PIWIL2: variants seen among roughly 807,000 people sequenced by gnomAD.
PIWIL2 encodes piwi like RNA-mediated gene silencing 2, also known as piwi-like protein 2.
Under a neutral mutation model 116.5 loss-of-function variants are expected in PIWIL2, and 81 were observed. That is an observed-to-expected ratio of 0.70 (90% confidence interval 0.58 to 0.84). The LOEUF (loss-of-function observed/expected upper bound fraction) is 0.84, where lower values mean the gene tolerates loss of function less well. Ranked by LOEUF, PIWIL2 falls within the 40% of genes least tolerant of loss-of-function variation. PIWIL2 has a pLI of 0.00. For missense variants in PIWIL2, 1,272 were observed against 1,212.3 expected (o/e 1.05, Z -0.73); for synonymous variants, 489 against 429.5 (o/e 1.14, Z -1.71).
chr8:22,343,546 T>C (rs1178095146), intron 20 of PIWIL2, among the ~76,000 whole-genome samples: 7 of 152,170 alleles, frequency 4.6e-5, no homozygotes, highest in African/African-American at 1.7e-4. Context: ...TGCAGTGAGC[T>C]GAGATTGTAC....
At chr8:22,324,227 G>A (rs906899024) in intron 20 of PIWIL2, among the ~76,000 whole-genome samples, 35 of 152,090 alleles carry the variant, frequency 2.3e-4, no homozygotes, top group South Asian at 4.1e-4. Flanking sequence ...ACGCCACTGC[G>A]CTCCAGTCTG....
chr8:22,302,341 C>A (rs922414149), intron 10 of PIWIL2, among the ~76,000 whole-genome samples: 5 of 152,008 alleles, frequency 3.3e-5, no homozygotes, highest in Non-Finnish European at 7.4e-5. Context: ...ACCCCCACGC[C>A]CAGTTAATTT....
chr8:22,330,158 A>G (rs1027028057), intron 20 of PIWIL2, among the ~76,000 whole-genome samples: 1 of 151,850 alleles, frequency 6.6e-6, no homozygotes, highest in African/African-American at 2.4e-5. Context: ...CTTATACTGG[A>G]TATAATCTCA....
At chr8:22,288,752 C>A in intron 8 of PIWIL2, 86 bp downstream of exon 8, 2 of 1,203,586 alleles carry the variant, frequency 1.7e-6, no homozygotes, top group Non-Finnish European at 2.4e-6. Flanking sequence ...GATGGAAATA[C>A]GTGACAGTAT....
At chr8:22,316,999 CAAACTCCTGGGCTT>C (rs1380898704) in intron 19 of PIWIL2, among the ~76,000 whole-genome samples, 3 of 152,004 alleles carry the variant, frequency 2.0e-5, no homozygotes, top group Non-Finnish European at 2.9e-5. Context: ...AGGCTGGTCT[CAAACTCCTGGGCTT>C]AAGTGATCCA....
chr8:22,344,463 A>G (rs762543113), intron 20 of PIWIL2, among the ~76,000 whole-genome samples: 10 of 152,216 alleles, frequency 6.6e-5, no homozygotes, highest in African/African-American at 2.2e-4. Flanking sequence ...ACTCTGTTCT[A>G]TTGCCTCAGG....
chr8:22,314,297 G>A, intron 16 of PIWIL2, 31 bp from the exon 17 acceptor site: 1 of 1,236,740 alleles, frequency 8.1e-7, no homozygotes, highest in Non-Finnish European at 1.1e-6. Flanking sequence ...GAATTCCACA[G>A]CCTGACTTGT....
intron 12 of PIWIL2, among the ~76,000 whole-genome samples, chr8:22,305,086 C>T (rs1195060439): frequency 2.6e-5 from 4 of 152,144 alleles, no homozygotes; most frequent in African/African-American, 9.7e-5. Context: ...TAAATATCCA[C>T]ATAAGCTATT....
At chr8:22,276,116 G>A (rs1265341209) in intron 1 of PIWIL2, 1 of 152,276 alleles carries the variant, frequency 6.6e-6, no homozygotes, top group Non-Finnish European at 1.5e-5. Context: ...ACCGAAAAGG[G>A]GTGTTAGCAG....
At chr8:22,284,317 T>TAA in intron 6 of PIWIL2, 45 bp downstream of exon 6, 1 of 971,274 alleles carries the variant, frequency 1.0e-6, no homozygotes, top group Non-Finnish European at 1.6e-6. Flanking sequence ...TAAAGGGCAG[T>TAA]AAAAAAAATA....
chr8:22,293,911 T>G (rs934094784), intron 10 of PIWIL2, among the ~76,000 whole-genome samples: 1 of 152,224 alleles, frequency 6.6e-6, no homozygotes, highest in African/African-American at 2.4e-5. Flanking sequence ...ACATACTCTT[T>G]CATTTGATCC....
chr8:22,281,519 G>C lies in PIWIL2; in HGVS notation c.425+4G>C. On this transcript the variant is annotated splice_donor_region_variant and intron_variant, in intron 4 of 22. Coordinates refer to ENST00000356766, the MANE Select transcript of PIWIL2 (RefSeq NM_018068.5). The stretch of plus-strand genomic sequence containing the variant: ...AGACCTCCGTTGGTTGGAGTAGGTG[G>C]GTAAAGTTACCCTCTCAGGTAACTA... The C allele has an allele frequency of 6.4e-7, 1 of 1,559,508 alleles. No homozygotes were observed. Among genetic ancestry groups the C allele is most frequent in the South Asian group, 1.2e-5 (1 of 81,424 alleles).
chr8:22,283,016 T>C lies in PIWIL2; in HGVS notation c.426-18T>C, dbSNP rs762318622. On this transcript the variant is annotated intron_variant, in intron 4 of 22. Transcript: ENST00000356766. ...CTATTATAAAAAACCCTGATTTGCC[T>C]CTCTCTCCACATTTCAGGACGCTTG... is the stretch of plus-strand genomic sequence containing the variant. 1.9e-6 allele frequency: 3 copies of C among 1,602,092 alleles called. No individual in the cohort carries two copies. The Admixed American group carries it at 5.0e-5, about 27-fold the overall frequency.
intron 20 of PIWIL2, among the ~76,000 whole-genome samples, chr8:22,342,216 C>T (rs968562973): frequency 1.3e-5 from 2 of 152,114 alleles, no homozygotes; most frequent in Admixed American, 1.3e-4. Context: ...GACTCAATAT[C>T]GTTAGGATAT....
intron 6 of PIWIL2, among the ~76,000 whole-genome samples, chr8:22,285,318 A>G (rs1277634390): frequency 2.0e-5 from 3 of 152,196 alleles, no homozygotes; most frequent in Non-Finnish European, 4.4e-5. Flanking sequence ...GTGAGATCAG[A>G]TGGTATTTGT....
At chr8:22,342,232 C>T (rs1225577319) in intron 20 of PIWIL2, among the ~76,000 whole-genome samples, 1 of 152,166 alleles carries the variant, frequency 6.6e-6, no homozygotes, top group Non-Finnish European at 1.5e-5. Context: ...GATATCAATT[C>T]TTCCCAAATT....
At chr8:22,329,999 T>C (rs1354710747) in intron 20 of PIWIL2, among the ~76,000 whole-genome samples, 2 of 152,180 alleles carry the variant, frequency 1.3e-5, no homozygotes, top group Non-Finnish European at 2.9e-5. Flanking sequence ...TTTGGGAAAT[T>C]TTTGTGTTAA....
rs149728916 is a variant in PIWIL2 at position 22,305,911 on chromosome 8, C to T, written c.1456-16C>T. ...CTTGTACTGCCTTATTTTCCCTCTTCGTTCTCTCTTCAAAGCTGCTAAAAG... is the reference window on the plus strand; with the variant it reads ...CTTGTACTGCCTTATTTTCCCTCTTTGTTCTCTCTTCAAAGCTGCTAAAAG... On this transcript the variant is annotated splice_polypyrimidine_tract_variant and intron_variant, in intron 12 of 22. Coordinates refer to ENST00000356766, the MANE Select transcript of PIWIL2 (RefSeq NM_018068.5). 5,674 of 1,597,856 alleles carry T rather than the reference C, an allele frequency of 3.6e-3. 15 individuals carry two copies. Among genetic ancestry groups the T allele is most frequent in the Non-Finnish European group, 4.3e-3 (5,047 of 1,165,282 alleles).
chr8:22,276,228 T>C (rs548650449), intron 1 of PIWIL2, among the ~76,000 whole-genome samples: 7 of 152,374 alleles, frequency 4.6e-5, no homozygotes, highest in African/African-American at 1.4e-4. Context: ...CTGTCTGCAC[T>C]TACGCTGTGG....
Sources: allele counts gnomAD v4.1 joint callset (sites outside exome capture counted in the v4.1 genomes callset), GRCh38; gene constraint gnomAD v4.1.1; transcripts MANE v1.5; gene names NCBI Gene and HGNC (gene_info 2026-07-23, HGNC 2026-07-21).